The following MAGI1 variants were observed in gnomAD, a reference collection of about 807,000 sequenced individuals.
The protein encoded by MAGI1 is membrane-associated guanylate kinase, WW and PDZ domain-containing protein 1.
In MAGI1, 58 loss-of-function variants were observed where a neutral mutation model predicts 139.9. The ratio of observed to expected loss-of-function variants is 0.41; its 90% confidence interval spans 0.34 to 0.52. MAGI1 has a LOEUF of 0.52. Ranked by LOEUF, MAGI1 falls within the 20% of genes least tolerant of loss-of-function variation. The pLI is 0.12. For missense variants in MAGI1, 1,874 were observed against 1,901.6 expected (o/e 0.99, Z 0.27); for synonymous variants, 812 against 737.9 (o/e 1.10, Z -1.63).
intron 1 of MAGI1, among the ~76,000 whole-genome samples, chr3:65,944,648 G>C (rs1454760284): frequency 6.6e-6 from 1 of 152,178 alleles, no homozygotes; most frequent in South Asian, 2.1e-4. Flanking sequence ...GGGACGGAGG[G>C]AGGGAGCCAT....
At chr3:65,379,780 G>T (rs1394927277) in intron 16 of MAGI1, among the ~76,000 whole-genome samples, 2 of 152,116 alleles carry the variant, frequency 1.3e-5, no homozygotes, top group African/African-American at 4.8e-5. Flanking sequence ...CACCAAATGG[G>T]ACTCCCAAAT....
intron 17 of MAGI1, among the ~76,000 whole-genome samples, chr3:65,377,285 C>A (rs778395993): frequency 4.6e-5 from 7 of 152,154 alleles, no homozygotes; most frequent in Non-Finnish European, 1.0e-4. Flanking sequence ...CTGGAATGCT[C>A]CCATACTCAA....
intron 1 of MAGI1, among the ~76,000 whole-genome samples, chr3:65,840,868 A>T (rs111658376): frequency 0.014 from 2,128 of 152,256 alleles, 47 homozygotes; most frequent in African/African-American, 0.045. Context: ...AGTTGCTATT[A>T]ATTCTTTTTT....
At chr3:65,875,374 T>C (rs2060077342) in intron 1 of MAGI1, among the ~76,000 whole-genome samples, 1 of 152,206 alleles carries the variant, frequency 6.6e-6, no homozygotes, top group South Asian at 2.1e-4. Context: ...ATGAGTGATT[T>C]GTATGGTATT....
intron 1 of MAGI1, among the ~76,000 whole-genome samples, chr3:65,841,683 C>G (rs750083024): frequency 1.3e-5 from 2 of 152,052 alleles, no homozygotes; most frequent in Non-Finnish European, 2.9e-5. Context: ...GGCTCGGCCT[C>G]CCAAAATGCT....
At chr3:65,630,468 G>T (rs1336694078) in intron 1 of MAGI1, among the ~76,000 whole-genome samples, 1 of 152,068 alleles carries the variant, frequency 6.6e-6, no homozygotes, top group Non-Finnish European at 1.5e-5. Context: ...TCAGGTTGAG[G>T]TTAAAAAGAG....
intron 2 of MAGI1, among the ~76,000 whole-genome samples, chr3:65,526,083 A>G (rs1247669149): frequency 6.6e-6 from 1 of 152,204 alleles, no homozygotes; most frequent in Non-Finnish European, 1.5e-5. Context: ...CTCCACTTCT[A>G]TCATAATCTA....
In MAGI1 at chr3:65,596,154, GC is replaced by G. The variant is rs1474457441; in HGVS notation, c.430+25817del. On this transcript the variant is annotated intron_variant, in intron 2 of 22. Coordinates refer to ENST00000402939, the MANE Select transcript of MAGI1 (RefSeq NM_001033057.2). The stretch of plus-strand genomic sequence containing the variant: ...AACAACAGTTTTTCAGAAAGTATGA[GC>G]CTTATAGATGATAAAAGACAAGCTT... Among the ~76,000 whole-genome samples the G allele has an allele frequency of 2.0e-5, 3 of 152,240 alleles. No individual in the cohort carries two copies. The East Asian group carries it at 5.8e-4, about 29-fold the overall frequency.
At chr3:65,628,966 T>C (rs1024134496) in intron 1 of MAGI1, among the ~76,000 whole-genome samples, 1 of 152,220 alleles carries the variant, frequency 6.6e-6, no homozygotes, top group African/African-American at 2.4e-5. Flanking sequence ...AAGATATTCT[T>C]ATATATTCTA....
chr3:65,775,463 A>T (rs78511448), intron 1 of MAGI1, among the ~76,000 whole-genome samples: 3,696 of 112,872 alleles, frequency 0.033, 205 homozygotes, highest in African/African-American at 0.1. Flanking sequence ...AAAAAAAAAA[A>T]TTTTTTTAAG....
intron 1 of MAGI1, among the ~76,000 whole-genome samples, chr3:65,941,911 C>T (rs1055916038): frequency 6.6e-6 from 1 of 152,176 alleles, no homozygotes; most frequent in Non-Finnish European, 1.5e-5. Flanking sequence ...CCCACCTCAG[C>T]CTCCTGAAGC....
At chr3:65,503,184 G>A (rs902876793) in intron 2 of MAGI1, among the ~76,000 whole-genome samples, 5 of 152,290 alleles carry the variant, frequency 3.3e-5, no homozygotes, top group African/African-American at 1.2e-4. Context: ...CAGAATTGAT[G>A]CCTCATTGTA....
intron 17 of MAGI1, among the ~76,000 whole-genome samples, chr3:65,377,275 C>T (rs1942627134): frequency 6.6e-6 from 1 of 152,216 alleles, no homozygotes; most frequent in Admixed American, 6.5e-5. Context: ...GGTAGGTGTG[C>T]TGGAATGCTC....
intron 1 of MAGI1, among the ~76,000 whole-genome samples, chr3:66,001,512 A>C (rs555869982): frequency 6.6e-5 from 10 of 152,302 alleles, no homozygotes; most frequent in South Asian, 2.1e-4. Context: ...TAAACACTTG[A>C]CAGACAAGAT....
chr3:66,027,819 T>A (rs570870953), intron 1 of MAGI1, among the ~76,000 whole-genome samples: 1 of 152,284 alleles, frequency 6.6e-6, no homozygotes, highest in South Asian at 2.1e-4. Context: ...GGGGCTGTTG[T>A]GTACATTGTG....
intron 2 of MAGI1, among the ~76,000 whole-genome samples, chr3:65,621,049 C>T (rs916456534): frequency 4.0e-5 from 6 of 151,772 alleles, no homozygotes; most frequent in Non-Finnish European, 7.4e-5. Context: ...TTATAGCAAA[C>T]AAATCATAGA....
At position 65,388,975 on chromosome 3, in the gene MAGI1, C is replaced by G. The variant is rs564037474; in HGVS notation, c.2416+2167G>C. 1.3e-4 allele frequency among the ~76,000 whole-genome samples: 19 copies of G among 151,070 alleles called. No individual in the cohort carries two copies. In the East Asian group the frequency reaches 3.6e-3, roughly 28 times the overall value. ...CCTCCTGCCTCAGCCTCCCGAGTAGCTGGGACTACAGGCGCACGCCACCAC... is the reference window on the plus strand; with the variant it reads ...CCTCCTGCCTCAGCCTCCCGAGTAGGTGGGACTACAGGCGCACGCCACCAC... On this transcript the variant is annotated intron_variant, in intron 14 of 22. Coordinates refer to ENST00000402939, the MANE Select transcript of MAGI1 (RefSeq NM_001033057.2).
At chr3:65,935,153 A>G (rs1013676599) in intron 1 of MAGI1, among the ~76,000 whole-genome samples, 1 of 152,182 alleles carries the variant, frequency 6.6e-6, no homozygotes, top group East Asian at 1.9e-4. Context: ...AACCTAAACT[A>G]TGTATAGCAG....
intron 2 of MAGI1, among the ~76,000 whole-genome samples, chr3:65,584,183 G>C (rs1373360483): frequency 6.6e-6 from 1 of 151,330 alleles, no homozygotes; most frequent in Non-Finnish European, 1.5e-5. Context: ...TACAGAATGA[G>C]CTACTTTGGC....
Sources: allele counts gnomAD v4.1 joint callset (sites outside exome capture counted in the v4.1 genomes callset), GRCh38; gene constraint gnomAD v4.1.1; transcripts MANE v1.5; gene names NCBI Gene and HGNC (gene_info 2026-07-23, HGNC 2026-07-21).